Variants in PRDM8 observed in about 807,000 individuals in gnomAD.
PRDM8 encodes the protein PR/SET domain 8.
A neutral mutation model predicts 46.5 loss-of-function variants in PRDM8; 13 were observed. The ratio of observed to expected loss-of-function variants is 0.28; its 90% confidence interval spans 0.18 to 0.44. PRDM8 has a LOEUF of 0.44. PRDM8 is among the 20% of genes least tolerant of loss of function. The pLI, the probability that PRDM8 is intolerant of heterozygous loss-of-function variation, is 1.00. For synonymous variants in PRDM8, 473 were observed against 438.4 expected (o/e 1.08, Z -0.98); for missense variants, 998 against 955.0 (o/e 1.04, Z -0.59).
chr4:80,203,109 C>T lies in PRDM8; in HGVS notation c.1647C>T (p.Leu549=), dbSNP rs770130991. The T allele has an allele frequency of 8.4e-5, 132 of 1,570,474 alleles. No homozygotes were observed. In the Middle Eastern group the frequency reaches 3.3e-3, roughly 40 times the overall value. ...PAAADPLAVK[L]QGAADLNGGC... Reference sequence around the variant, plus strand: ...CCGCGGACCCTCTAGCGGTGAAGCTCCAGGGGGCCGCGGACCTGAACGGAG... The same window carrying T: ...CCGCGGACCCTCTAGCGGTGAAGCTTCAGGGGGCCGCGGACCTGAACGGAG... The change falls in exon 4 of 4, where the codon CTC becomes CTT. Residue 549 remains leucine (L), a synonymous_variant. Transcript: ENST00000415738.
chr4:80,197,132 T>A (rs1241207944), upstream of PRDM8: 1 of 985,256 alleles, frequency 1.0e-6, no homozygotes, highest in Non-Finnish European at 1.2e-6. Context: ...ACGCACGGGG[T>A]CCGCACGCGC....
Position 80,202,388 on chromosome 4 carries a change from G to A in PRDM8, c.926G>A (p.Gly309Asp). Residue 309 changes from glycine (G) to aspartate (D), a missense_variant, in exon 4 of 4, where the codon GGC (glycine) becomes GAC (aspartate). By Grantham distance (94) the Gly-to-Asp change is moderately conservative (BLOSUM62 -1). Transcript: ENST00000415738. ...AGTCCCGACGGCATCGCCACGGGCG[G>A]CGGCAAAGGAAAGAGGAAATTCCCG... ...ELSPDGIATG[G>D]GKGKRKFPEE... 6.3e-7 allele frequency: 1 copy of A among 1,580,024 alleles called. No individual in the cohort carries two copies. The highest frequency in any genetic ancestry group is 8.6e-7 in the Non-Finnish European group (1 of 1,163,570).
rs1016949541 is a variant in PRDM8, at chr4:80,189,432, G to A, written c.-982-2040G>A. Among the ~76,000 whole-genome samples, 25 of 152,116 alleles carry A rather than the reference G, an allele frequency of 1.6e-4. 1 individual carries two copies. The highest frequency in any genetic ancestry group is 5.8e-4 in the East Asian group (3 of 5,158). Reference sequence around the variant, plus strand: ...CTTGCATTAAACCTGGGGTGGGGGTGGGAGGTGCGCGGTGCGGGCTGGGAA... The same window carrying A: ...CTTGCATTAAACCTGGGGTGGGGGTAGGAGGTGCGCGGTGCGGGCTGGGAA... On this transcript the variant is annotated intron_variant, in intron 1 of 9. Coordinates refer to the PRDM8 transcript ENST00000339711.
chr4:80,196,125 G>T, upstream of PRDM8: 2 of 968,446 alleles, frequency 2.1e-6, no homozygotes, highest in Non-Finnish European at 2.5e-6. Context: ...AACTAACATG[G>T]TAAGCTGCTC....
intron 1 of PRDM8, among the ~76,000 whole-genome samples, 176 bp downstream of exon 1, chr4:80,197,939 T>C (rs1738090089): frequency 6.6e-6 from 1 of 152,192 alleles, no homozygotes. Flanking sequence ...GTGAGCACTT[T>C]GCCGGAGAAG....
intron 1 of PRDM8, among the ~76,000 whole-genome samples, chr4:80,188,944 G>C (rs189731648): frequency 6.6e-6 from 1 of 152,338 alleles, no homozygotes; most frequent in East Asian, 1.9e-4. Context: ...CCTGCACAAA[G>C]CTCCAGTGCC....
chr4:80,196,519 C>T (rs1418052205), upstream of PRDM8: 2 of 985,298 alleles, frequency 2.0e-6, no homozygotes, highest in Non-Finnish European at 2.4e-6. Context: ...AGCGCACAAA[C>T]GAGGCTCCCG....
At chr4:80,187,249 C>CGGGGGGG (rs138488658) in intron 1 of PRDM8, among the ~76,000 whole-genome samples, 1 of 121,638 alleles carries the variant, frequency 8.2e-6, no homozygotes, top group African/African-American at 2.9e-5. Context: ...TGCCCTGGGG[C>CGGGGGGG]GGGGGGAAGC....
chr4:80,188,860 C>A (rs1287202436), intron 1 of PRDM8, among the ~76,000 whole-genome samples: 2 of 152,254 alleles, frequency 1.3e-5, no homozygotes, highest in African/African-American at 4.8e-5. Flanking sequence ...TGTCGTGCGG[C>A]CCACAGGGCT....
rs182929060 is a variant in PRDM8, at chr4:80,190,942, G to C, written c.-982-530G>C. ...TTAGGACTTCAGTAAACTGACTCTAGAATATAGATAATGCTGTGGGATAGT... is the reference window on the plus strand; with the variant it reads ...TTAGGACTTCAGTAAACTGACTCTACAATATAGATAATGCTGTGGGATAGT... On this transcript the variant is annotated intron_variant, in intron 1 of 9. Coordinates refer to the PRDM8 transcript ENST00000339711. Among the ~76,000 whole-genome samples the C allele has an allele frequency of 3.3e-5, 5 of 152,310 alleles. No individual in the cohort carries two copies. The East Asian group carries it at 9.7e-4, about 29-fold the overall frequency.
upstream of PRDM8, chr4:80,197,426 G>A (rs1738046338): frequency 1.0e-6 from 1 of 985,154 alleles, no homozygotes; most frequent in Admixed American, 6.1e-5. Flanking sequence ...AGAGTTAAAG[G>A]GAGGGGACGT....
chr4:80,197,060 A>G, upstream of PRDM8: 3 of 985,450 alleles, frequency 3.0e-6, no homozygotes, highest in South Asian at 1.4e-4. Flanking sequence ...CTCCAGGGCT[A>G]GAGAATCCCT....
chr4:80,199,591 G>A (rs3822014), intron 1 of PRDM8, among the ~76,000 whole-genome samples: 18,218 of 151,714 alleles, frequency 0.12, 1,807 homozygotes, highest in East Asian at 0.54. Context: ...ATCAGCTCCC[G>A]GGCACCCAGT....
chr4:80,188,160 T>C (rs1015962781), intron 1 of PRDM8, among the ~76,000 whole-genome samples: 1 of 152,206 alleles, frequency 6.6e-6, no homozygotes, highest in Non-Finnish European at 1.5e-5. Context: ...TTGCATCTTG[T>C]TTCTCTCCAA....
Position 80,201,422 on chromosome 4 carries a change from C to G in PRDM8, c.352C>G (p.Arg118Gly). The G allele has an allele frequency of 3.1e-6, 5 of 1,614,186 alleles. No individual in the cohort carries two copies. The highest frequency in any genetic ancestry group is 1.1e-5 in the South Asian group (1 of 91,084). The change falls in exon 3 of 4, where the codon CGC becomes GGC. Residue 118 changes from arginine to glycine, a missense_variant. Physicochemically the swap from Arg to Gly is moderately radical, Grantham distance 125. Transcript: ENST00000415738. ...KNGQLFYRSLRRIAKDEELLV... is the reference protein window; with the variant it reads ...KNGQLFYRSLGRIAKDEELLV... ...CGGACAGCTGTTCTACCGCTCTCTCCGCAGGATTGCCAAAGACGAGGAGTT... is the reference window on the plus strand; with the variant it reads ...CGGACAGCTGTTCTACCGCTCTCTCGGCAGGATTGCCAAAGACGAGGAGTT...
chr4:80,203,418 T>C lies in PRDM8; in HGVS notation c.1956T>C (p.Tyr652=), dbSNP rs374015672. 97 of 1,613,648 alleles carry C rather than the reference T, an allele frequency of 6.0e-5. 1 individual carries two copies. In the East Asian group the frequency reaches 6.0e-4, roughly 10 times the overall value. ...YHMRSHHKKE[Y]AMEPLVKRRR... ...TGAGGTCGCACCACAAAAAGGAGTA[T>C]GCGATGGAGCCCTTGGTGAAGCGGC... is the stretch of plus-strand genomic sequence containing the variant. Residue 652 remains tyrosine (Y), a synonymous_variant, in exon 4 of 4, where the codon TAT becomes TAC. Transcript: ENST00000415738.
At chr4:80,188,098 T>C (rs1414480072) in intron 1 of PRDM8, among the ~76,000 whole-genome samples, 1 of 152,202 alleles carries the variant, frequency 6.6e-6, no homozygotes, top group Non-Finnish European at 1.5e-5. Flanking sequence ...TACCACAAGC[T>C]ACTTCCTTCC....
At chr4:80,195,519 TG>T (rs1194451303), upstream of PRDM8, among the ~76,000 whole-genome samples, 6 of 151,662 alleles carry the variant, frequency 4.0e-5, no homozygotes, top group African/African-American at 1.5e-4. Flanking sequence ...TGTGTGTGTG[TG>T]TTTGTGTGTG....
chr4:80,191,797 T>C (rs6824444), intron 2 of PRDM8, among the ~76,000 whole-genome samples: 13,028 of 152,246 alleles, frequency 0.086, 1,083 homozygotes, highest in African/African-American at 0.22. Context: ...GATTAAATCA[T>C]AGAACACCTG....
Sources: gnomAD v4.1 joint callset for allele counts (sites outside exome capture counted in the v4.1 genomes callset) on GRCh38, gnomAD v4.1.1 for gene constraint, MANE v1.5 for transcripts, NCBI Gene and HGNC (gene_info 2026-07-23, HGNC 2026-07-21) for gene names.